The following UQCC2 variants were observed in gnomAD, a reference collection of about 807,000 sequenced individuals.
The protein encoded by UQCC2 is ubiquinol-cytochrome c reductase complex assembly factor 2, also known as breast cancer-associated protein SGA-81M.
A neutral mutation model predicts 19.9 loss-of-function variants in UQCC2; 21 were observed. The ratio of observed to expected loss-of-function variants is 1.05; its 90% CI spans 0.75 to 1.52. The LOEUF (loss-of-function observed/expected upper bound fraction) is 1.52. Among genes scored for constraint, UQCC2 ranks in the 40% most tolerant of loss-of-function variants. The pLI, the probability that UQCC2 is intolerant of heterozygous loss-of-function variation, is 0.00. For missense variants in UQCC2, 135 were observed against 157.5 expected, an observed-to-expected ratio of 0.86 and a Z score of 0.76; for synonymous variants, 57 against 60.9, an observed-to-expected ratio of 0.94 and a Z score of 0.30.
At chr6:33,711,434 T>G in intron 1 of UQCC2, 115 bp downstream of exon 1, 1 of 1,418,018 alleles carries the variant, frequency 7.1e-7, no homozygotes, top group East Asian at 2.6e-5. Flanking sequence ...CGCGCTCACG[T>G]GCTGCCTGGA....
chr6:33,709,126 T>A (rs1765734930), intron 1 of UQCC2, among the ~76,000 whole-genome samples: 2 of 152,212 alleles, frequency 1.3e-5, no homozygotes, highest in Non-Finnish European at 2.9e-5. Context: ...ATCAAGCAAG[T>A]GAATGTTACG....
chr6:33,700,309 G>T, intron 3 of UQCC2, 135 bp downstream of exon 3: 2 of 915,910 alleles, frequency 2.2e-6, no homozygotes, highest in Non-Finnish European at 3.4e-6. Context: ...GCGCCCTGTA[G>T]CTTCAGAATT....
chr6:33,710,738 C>T (rs1047128787), intron 1 of UQCC2, among the ~76,000 whole-genome samples: 1 of 152,240 alleles, frequency 6.6e-6, no homozygotes, highest in Non-Finnish European at 1.5e-5. Flanking sequence ...TTCATGCGGG[C>T]AGGACTTCAC....
chr6:33,705,189 G>A lies in UQCC2; in HGVS notation c.139-3769C>T, dbSNP rs577567974. ...TGGAACTATAGGCGCCCGCTACCAC[G>A]CCTGGCTAATTTTTTGTATTTTTAG... On this transcript the variant is annotated intron_variant, in intron 1 of 3. Coordinates refer to ENST00000607484, the MANE Select transcript of UQCC2 (RefSeq NM_032340.4). 4.6e-5 allele frequency among the ~76,000 whole-genome samples: 7 copies of A among 152,108 alleles called. No homozygotes were observed. The East Asian group carries it at 5.8e-4, about 13-fold the overall frequency.
rs750420836 is a variant in UQCC2 at position 33,701,420 on chromosome 6, C to T, written c.139G>A (p.Val47Ile). 1.9e-6 allele frequency: 3 copies of T among 1,613,008 alleles called. No homozygotes were observed. The highest frequency in any genetic ancestry group is 2.2e-5 in the East Asian group (1 of 44,826). ...QAFREGENTQ[V>I]AEPEACDQMY... The stretch of plus-strand genomic sequence containing the variant: ...TGATCACAGGCCTCAGGCTCTGCAA[C>T]CTGAAAAGCAAAGAATCCCAAAGGA... The change falls in exon 2 of 4, where the codon GTT becomes ATT. Residue 47 changes from valine (V) to isoleucine (I), a missense_variant and splice_region_variant. By Grantham distance (29) the Val-to-Ile change is conservative. Coordinates refer to ENST00000607484, the MANE Select transcript of UQCC2 (RefSeq NM_032340.4).
intron 1 of UQCC2, among the ~76,000 whole-genome samples, chr6:33,710,214 T>C (rs1297912507): frequency 1.3e-5 from 2 of 152,168 alleles, no homozygotes; most frequent in Non-Finnish European, 2.9e-5. Context: ...CTGTCGCTTA[T>C]AGTACCATAA....
In UQCC2 at chr6:33,700,498, C is replaced by T. The variant is rs1346536116; in HGVS notation, c.229G>A (p.Asp77Asn). 8.1e-6 allele frequency: 13 copies of T among 1,614,048 alleles called. 1 individual carries two copies. Residue 77 changes from aspartate to asparagine, a missense_variant, in exon 3 of 4, where the codon GAC becomes AAC. By Grantham distance (23) the Asp-to-Asn change is conservative (BLOSUM62 1). Coordinates refer to ENST00000607484, the MANE Select transcript of UQCC2 (RefSeq NM_032340.4). ...YYKHKYPRPRDTSFSGLSLEE... is the reference protein window; with the variant it reads ...YYKHKYPRPRNTSFSGLSLEE... ...AACGACAGGCCACTGAAGCTGGTGTCTCTGGGGCGAGGGTACTGGTCACCG... is the reference window on the plus strand; with the variant it reads ...AACGACAGGCCACTGAAGCTGGTGTTTCTGGGGCGAGGGTACTGGTCACCG...
intron 1 of UQCC2, among the ~76,000 whole-genome samples, chr6:33,705,033 CTTTT>C (rs544104803): frequency 6.1e-4 from 80 of 131,284 alleles, no homozygotes; most frequent in Non-Finnish European, 1.2e-3. Context: ...ACTCTCACTT[CTTTT>C]TTTTTTTTTT....
chr6:33,697,465 C>T lies in UQCC2; in HGVS notation c.*188G>A, dbSNP rs1396729546. ...ATTTCCCTACCCTGAGCAGCAGTCA[C>T]AGCAGATAGCTCAATCACCATCCCT... On this transcript the variant is annotated 3_prime_UTR_variant, in exon 4 of 4. Coordinates refer to ENST00000607484, the MANE Select transcript of UQCC2 (RefSeq NM_032340.4). 1.8e-6 allele frequency: 1 copy of T among 564,976 alleles called. No homozygotes were observed. The highest frequency in any genetic ancestry group is 3.1e-6 in the Non-Finnish European group (1 of 323,350). The allele number at this position is 564,976 out of a possible 1,614,324, so 35.0% of individuals were successfully genotyped here. A position where few individuals can be genotyped will look rare whatever the true frequency, so the allele number is the denominator to read the frequency against.
At chr6:33,701,878 C>CAGCAGAAGGTCAGCA (rs200532228) in intron 1 of UQCC2, among the ~76,000 whole-genome samples, 4 of 150,812 alleles carry the variant, frequency 2.7e-5, no homozygotes, top group African/African-American at 4.9e-5. Context: ...GAAGGAAGCA[C>CAGCAGAAGGTCAGCA]AGCAGAAGGT....
At chr6:33,708,915 G>A (rs755128604) in intron 1 of UQCC2, among the ~76,000 whole-genome samples, 5 of 152,208 alleles carry the variant, frequency 3.3e-5, no homozygotes, top group Admixed American at 1.3e-4. Flanking sequence ...TAATGCACCT[G>A]CTGCCATTGT....
In UQCC2 at chr6:33,697,434, CAGG is replaced by C; in HGVS notation, c.*216_*218del. The C allele has an allele frequency of 2.0e-6, 1 of 499,906 alleles. No homozygotes were observed. Among genetic ancestry groups the C allele is most frequent in the Non-Finnish European group, 3.5e-6 (1 of 286,098 alleles). 31.0% of individuals were successfully genotyped at this position (499,906 alleles called of 1,614,324 possible). ...GAGGGAAACCTGCATTTCCTCTCCC[CAGG>C]AGATTTCCCTACCCTGAGCAGCAGT... On this transcript the variant is annotated 3_prime_UTR_variant, in exon 4 of 4. Coordinates refer to ENST00000607484, the MANE Select transcript of UQCC2 (RefSeq NM_032340.4).
chr6:33,710,228 G>A (rs1410887556), intron 1 of UQCC2, among the ~76,000 whole-genome samples: 2 of 151,920 alleles, frequency 1.3e-5, no homozygotes, highest in Non-Finnish European at 2.9e-5. Flanking sequence ...ACCATAATCG[G>A]CTTCTCTCCA....
intron 1 of UQCC2, among the ~76,000 whole-genome samples, chr6:33,708,039 G>C (rs1466690871): frequency 6.6e-6 from 1 of 152,226 alleles, no homozygotes; most frequent in Non-Finnish European, 1.5e-5. Flanking sequence ...CTCTGGTTTT[G>C]TGTATGAATT....
intron 1 of UQCC2, among the ~76,000 whole-genome samples, chr6:33,710,670 A>G (rs932737153): frequency 2.0e-5 from 3 of 152,226 alleles, no homozygotes; most frequent in Non-Finnish European, 1.5e-5. Flanking sequence ...CGATCACAGT[A>G]CTTATCTGTC....
At chr6:33,709,293 C>T (rs377029756) in intron 1 of UQCC2, among the ~76,000 whole-genome samples, 94 of 152,294 alleles carry the variant, frequency 6.2e-4, no homozygotes, top group African/African-American at 2.0e-3. Flanking sequence ...ACAAATATTC[C>T]TTTCTCACTC....
At chr6:33,697,863 G>C in intron 3 of UQCC2, 113 bp from the exon 4 acceptor site, 1 of 820,870 alleles carries the variant, frequency 1.2e-6, no homozygotes, top group Non-Finnish European at 1.9e-6. Flanking sequence ...CACACAGTGT[G>C]TTCCTGAAAA....
intron 1 of UQCC2, among the ~76,000 whole-genome samples, chr6:33,711,187 G>C (rs1272139819): frequency 6.6e-6 from 1 of 152,122 alleles, no homozygotes; most frequent in African/African-American, 2.4e-5. Flanking sequence ...GTTTTTGTTT[G>C]TTTTTTGATT....
chr6:33,703,910 C>A (rs762367250), intron 1 of UQCC2, among the ~76,000 whole-genome samples: 27 of 152,212 alleles, frequency 1.8e-4, no homozygotes, highest in Admixed American at 6.5e-5. Flanking sequence ...GGATGTCCTG[C>A]TGCATTTAAC....
Sources: gnomAD v4.1 joint callset for allele counts (sites outside exome capture counted in the v4.1 genomes callset) on GRCh38, gnomAD v4.1.1 for gene constraint, MANE v1.5 for transcripts, NCBI Gene and HGNC (gene_info 2026-07-23, HGNC 2026-07-21) for gene names.